The following NLGN1 variants were observed in gnomAD, a reference collection of about 807,000 sequenced individuals.
The protein encoded by NLGN1 is neuroligin-1.
A neutral mutation model predicts 65.5 loss-of-function variants in NLGN1; 12 were observed. That is an observed-to-expected ratio of 0.18 (90% CI 0.12 to 0.30). The LOEUF is 0.30. Ranked by LOEUF, NLGN1 falls within the 10% of genes least tolerant of loss-of-function variation. The pLI is 1.00. For missense variants in NLGN1, 750 were observed against 1,007.1 expected, an observed-to-expected ratio of 0.74 and a Z score of 3.46; for synonymous variants, 350 against 359.5, an observed-to-expected ratio of 0.97 and a Z score of 0.30.
At chr3:173,647,702 G>A (rs918896051) in intron 3 of NLGN1, among the ~76,000 whole-genome samples, 6 of 151,900 alleles carry the variant, frequency 3.9e-5, no homozygotes, top group Admixed American at 6.6e-5. Context: ...TATACTAAAC[G>A]CCTATATTAG....
chr3:174,129,688 G>C (rs1719761225), intron 4 of NLGN1, among the ~76,000 whole-genome samples: 1 of 152,140 alleles, frequency 6.6e-6, no homozygotes, highest in South Asian at 2.1e-4. Context: ...GCCTAGGGCT[G>C]GGAATTAAGT....
At chr3:174,124,078 A>AAG (rs1030393620) in intron 4 of NLGN1, among the ~76,000 whole-genome samples, 1 of 152,106 alleles carries the variant, frequency 6.6e-6, no homozygotes, top group Non-Finnish European at 1.5e-5. Context: ...AAGGGGAAGA[A>AAG]AGAGAGATCC....
At chr3:173,477,480 G>C (rs1460326657) in intron 2 of NLGN1, among the ~76,000 whole-genome samples, 1 of 152,136 alleles carries the variant, frequency 6.6e-6, no homozygotes, top group African/African-American at 2.4e-5. Flanking sequence ...GAAATTCGAG[G>C]CTACAGTGAA....
At chr3:173,931,410 A>G (rs947739163) in intron 4 of NLGN1, among the ~76,000 whole-genome samples, 1 of 152,172 alleles carries the variant, frequency 6.6e-6, no homozygotes, top group Non-Finnish European at 1.5e-5. Context: ...TTGGGTCCCT[A>G]TTTTCAAATA....
intron 4 of NLGN1, among the ~76,000 whole-genome samples, chr3:174,267,399 A>G (rs987608677): frequency 2.0e-5 from 3 of 152,112 alleles, no homozygotes; most frequent in Non-Finnish European, 4.4e-5. Context: ...CTGGGGATCA[A>G]TTTTCAACCT....
chr3:173,813,808 A>G (rs1718472416), intron 4 of NLGN1, among the ~76,000 whole-genome samples: 2 of 152,240 alleles, frequency 1.3e-5, no homozygotes, highest in African/African-American at 4.8e-5. Flanking sequence ...CATATTCACC[A>G]GAAAAAAATA....
intron 4 of NLGN1, among the ~76,000 whole-genome samples, chr3:174,232,106 C>T (rs780991769): frequency 6.6e-5 from 10 of 152,058 alleles, no homozygotes; most frequent in Admixed American, 5.2e-4. Context: ...TGGGTGCAGG[C>T]GGGCTGAGTC....
chr3:173,501,618 G>T (rs2149059843), intron 2 of NLGN1, among the ~76,000 whole-genome samples: 1 of 151,186 alleles, frequency 6.6e-6, no homozygotes, highest in African/African-American at 2.4e-5. Context: ...TGAGAGATGG[G>T]AGGAAAATGT....
At chr3:174,093,573 A>G (rs899073937) in intron 4 of NLGN1, among the ~76,000 whole-genome samples, 2 of 152,214 alleles carry the variant, frequency 1.3e-5, no homozygotes, top group Admixed American at 1.3e-4. Flanking sequence ...GCTAATGCCT[A>G]GCAATAGGTT....
At chr3:173,492,415 T>C (rs1171723759) in intron 2 of NLGN1, among the ~76,000 whole-genome samples, 1 of 151,862 alleles carries the variant, frequency 6.6e-6, no homozygotes, top group Admixed American at 6.6e-5. Context: ...TATTAATTGG[T>C]ACATGCACAA....
intron 3 of NLGN1, among the ~76,000 whole-genome samples, chr3:173,612,901 C>T (rs1752526102): frequency 6.6e-6 from 1 of 152,086 alleles, no homozygotes; most frequent in Non-Finnish European, 1.5e-5. Context: ...TGTCTTCTCC[C>T]TGTGTCTCTT....
At chr3:174,108,304 T>G (rs1714418459) in intron 4 of NLGN1, among the ~76,000 whole-genome samples, 1 of 152,126 alleles carries the variant, frequency 6.6e-6, no homozygotes, top group Non-Finnish European at 1.5e-5. Flanking sequence ...GTATAAGATG[T>G]GAAACTTAGA....
chr3:173,540,341 C>G (rs975011569), intron 2 of NLGN1, among the ~76,000 whole-genome samples: 1 of 152,148 alleles, frequency 6.6e-6, no homozygotes, highest in African/African-American at 2.4e-5. Context: ...CTGGGCCCCA[C>G]TCAAAACTAG....
chr3:173,744,190 T>C (rs976481484), intron 3 of NLGN1, among the ~76,000 whole-genome samples: 4 of 152,114 alleles, frequency 2.6e-5, no homozygotes, highest in African/African-American at 9.6e-5. Flanking sequence ...TTCAATAGAA[T>C]GGGAATAAGA....
At chr3:174,264,700 G>A (rs28881883) in intron 4 of NLGN1, among the ~76,000 whole-genome samples, 27,595 of 151,654 alleles carry the variant, frequency 0.18, 2,678 homozygotes, top group South Asian at 0.23. Flanking sequence ...GTCATTCTCC[G>A]TCCAGCTTTG....
intron 3 of NLGN1, among the ~76,000 whole-genome samples, chr3:173,761,377 A>G (rs1297771914): frequency 2.6e-5 from 4 of 151,998 alleles, no homozygotes. Flanking sequence ...GGTTGATTAG[A>G]TAAGCTGCGT....
At chr3:173,577,830 G>A (rs1021805) in intron 2 of NLGN1, among the ~76,000 whole-genome samples, 80,966 of 151,610 alleles carry the variant, frequency 0.53, 22,051 homozygotes, top group East Asian at 0.83. Flanking sequence ...AAGCTTAAAG[G>A]GACAGATTAA....
chr3:173,674,064 G>A (rs1041556540), intron 3 of NLGN1, among the ~76,000 whole-genome samples: 5 of 152,092 alleles, frequency 3.3e-5, no homozygotes, highest in East Asian at 1.9e-4. Flanking sequence ...AGTGTGAATC[G>A]GCCGTATGTT....
At chr3:174,233,811 T>C (rs1433974446) in intron 4 of NLGN1, among the ~76,000 whole-genome samples, 1 of 152,164 alleles carries the variant, frequency 6.6e-6, no homozygotes, top group African/African-American at 2.4e-5. Flanking sequence ...TATAATTTAA[T>C]GGTATTATTA....
Sources: gnomAD v4.1 joint callset for allele counts (sites outside exome capture counted in the v4.1 genomes callset) on GRCh38, gnomAD v4.1.1 for gene constraint, MANE v1.5 for transcripts, NCBI Gene and HGNC (gene_info 2026-07-23, HGNC 2026-07-21) for gene names.